DNAH11: variants seen among roughly 807,000 people sequenced by gnomAD.
DNAH11 encodes the protein dynein axonemal heavy chain 11.
In DNAH11, 442 loss-of-function variants were observed where a neutral mutation model predicts 526.0. The ratio of observed to expected loss-of-function variants is 0.84; its 90% CI spans 0.78 to 0.91. DNAH11 has a LOEUF of 0.91. Among genes scored for constraint, DNAH11 ranks in the 40% least tolerant of loss-of-function variants. The pLI is 0.00. For missense variants in DNAH11, 6,989 were observed against 5,448.7 expected, an observed-to-expected ratio of 1.28 and a Z score of -8.90; for synonymous variants, 2,461 against 1,935.9, an observed-to-expected ratio of 1.27 and a Z score of -7.12.
chr7:21,616,693 C>T (rs1206778170), intron 22 of DNAH11, among the ~76,000 whole-genome samples: 2 of 152,122 alleles, frequency 1.3e-5, no homozygotes, highest in African/African-American at 4.8e-5. Context: ...TAGGAGCATG[C>T]CACCTCTGGA....
intron 76 of DNAH11, among the ~76,000 whole-genome samples, chr7:21,889,295 G>A (rs1389089560): frequency 6.6e-6 from 1 of 152,166 alleles, no homozygotes; most frequent in Non-Finnish European, 1.5e-5. Context: ...TATCTCATCT[G>A]TCAGTGGACA....
chr7:21,659,919 T>C (rs1782174319), intron 30 of DNAH11, among the ~76,000 whole-genome samples: 1 of 152,134 alleles, frequency 6.6e-6, no homozygotes, highest in South Asian at 2.1e-4. Flanking sequence ...CTTTCAATCT[T>C]GCATAGCGAC....
At chr7:21,653,179 T>C (rs2128464348) in intron 28 of DNAH11, among the ~76,000 whole-genome samples, 1 of 152,278 alleles carries the variant, frequency 6.6e-6, no homozygotes, top group African/African-American at 2.4e-5. Flanking sequence ...CCCAGCCTAA[T>C]CTATTCTTTT....
Position 21,588,521 on chromosome 7 carries a change from G to C in DNAH11, c.1858G>C (p.Gly620Arg), listed in dbSNP as rs373977116. ...YNEHMKQIEC[G>R]HVVLNKNMPF... ...AAATATCAACTTGCAGATTGAATGT[G>C]GTCATGTAGTTCTTAACAAGAACAT... The change falls in exon 11 of 82, where the codon GGT becomes CGT. Residue 620 changes from glycine to arginine, a missense_variant. Coordinates refer to ENST00000409508, the MANE Select transcript of DNAH11 (RefSeq NM_001277115.2). 11 of 1,613,480 alleles carry C rather than the reference G, an allele frequency of 6.8e-6. No individual in the cohort carries two copies. Among genetic ancestry groups the C allele is most frequent in the Non-Finnish European group, 6.8e-6 (8 of 1,179,660 alleles).
intron 44 of DNAH11, among the ~76,000 whole-genome samples, chr7:21,724,517 C>T (rs925528154): frequency 1.3e-5 from 2 of 152,228 alleles, no homozygotes; most frequent in African/African-American, 4.8e-5. Flanking sequence ...AAGCAGTAGA[C>T]ACACACAGTA....
rs140866269 is a variant in DNAH11 at position 21,825,265 on chromosome 7, A to G, written c.10691+6926A>G. On this transcript the variant is annotated intron_variant, in intron 65 of 81. Coordinates refer to ENST00000409508, the MANE Select transcript of DNAH11 (RefSeq NM_001277115.2). ...TTTGGTTATTTTTAGATGTTTTGCT[A>G]TTATGAGTGATGCTGCTATGAATAT... 2.6e-5 allele frequency among the ~76,000 whole-genome samples: 4 copies of G among 152,280 alleles called. No homozygotes were observed. The East Asian group carries it at 5.8e-4, about 22-fold the overall frequency.
intron 74 of DNAH11, among the ~76,000 whole-genome samples, chr7:21,875,002 T>A (rs1169214517): frequency 6.6e-6 from 1 of 152,208 alleles, no homozygotes; most frequent in South Asian, 2.1e-4. Context: ...TTTGGGTCAA[T>A]ACGTAAACCA....
At chr7:21,680,292 G>A (rs1583588273) in intron 30 of DNAH11, among the ~76,000 whole-genome samples, 1 of 152,166 alleles carries the variant, frequency 6.6e-6, no homozygotes, top group South Asian at 2.1e-4. Flanking sequence ...GCTTTCTTAG[G>A]TGCTAGCAGT....
Position 21,864,508 on chromosome 7 carries a change from T to C in DNAH11, c.11374-27T>C, listed in dbSNP as rs747865168. 13 of 1,607,054 alleles carry C rather than the reference T, an allele frequency of 8.1e-6. No homozygotes were observed. In the South Asian group the frequency reaches 8.9e-5, roughly 11 times the overall value. ...GACGATTTTCATGTAAACCTAATAA[T>C]CCTTTTCAATTTTGTCTACTCTCAA... On this transcript the variant is annotated intron_variant, in intron 69 of 81. Coordinates refer to ENST00000409508, the MANE Select transcript of DNAH11 (RefSeq NM_001277115.2).
Position 21,901,804 on chromosome 7 carries a change from C to CAAGT in DNAH11, c.*551_*554dup. The CAAGT allele has an allele frequency of 6.1e-6, 1 of 164,350 alleles. No individual in the cohort carries two copies. Among genetic ancestry groups the CAAGT allele is most frequent in the Non-Finnish European group, 1.3e-5 (1 of 74,512 alleles). 10.2% of individuals were successfully genotyped at this position (164,350 alleles called of 1,614,324 possible). On this transcript the variant is annotated 3_prime_UTR_variant, in exon 82 of 82. Transcript: ENST00000409508. The stretch of plus-strand genomic sequence containing the variant: ...TGTTGATGGTCCCCTTTTGTTCAGT[C>CAAGT]AAGTTTTAATAAAAATAAAACTGTT...
At chr7:21,564,658 A>G (rs1783590722) in intron 6 of DNAH11, among the ~76,000 whole-genome samples, 1 of 152,226 alleles carries the variant, frequency 6.6e-6, no homozygotes, top group Non-Finnish European at 1.5e-5. Context: ...AAAGGCTTTA[A>G]GGCAGCTTCC....
chr7:21,599,088 T>C (rs1784972941), intron 14 of DNAH11, among the ~76,000 whole-genome samples: 1 of 152,208 alleles, frequency 6.6e-6, no homozygotes. Context: ...TATATCCCTT[T>C]TGGTGTATAT....
At chr7:21,593,126 G>C (rs562602576) in intron 14 of DNAH11, among the ~76,000 whole-genome samples, 4 of 152,278 alleles carry the variant, frequency 2.6e-5, no homozygotes, top group Admixed American at 2.6e-4. Context: ...CCCTAGGTCA[G>C]GGAGAAGAGG....
chr7:21,697,349 A>G (rs900778181), intron 35 of DNAH11, among the ~76,000 whole-genome samples: 5 of 152,092 alleles, frequency 3.3e-5, no homozygotes, highest in African/African-American at 1.2e-4. Flanking sequence ...AGTCTATCCC[A>G]GTTGGTCCTA....
chr7:21,572,715 T>G (rs1783941300), intron 8 of DNAH11, among the ~76,000 whole-genome samples: 1 of 152,208 alleles, frequency 6.6e-6, no homozygotes, highest in Non-Finnish European at 1.5e-5. Flanking sequence ...ACGAGTGCAG[T>G]ATGTTAGCTT....
chr7:21,647,431 T>C lies in DNAH11; in HGVS notation c.4944+8366T>C, dbSNP rs78766097. Reference sequence around the variant, plus strand: ...GGAGTAGCAATTTCTTTCTTTCTTTTTTTTTTTTTTTTTTTTGAGACAGAG... The same window carrying C: ...GGAGTAGCAATTTCTTTCTTTCTTTCTTTTTTTTTTTTTTTTGAGACAGAG... On this transcript the variant is annotated intron_variant, in intron 28 of 81. Coordinates refer to ENST00000409508, the MANE Select transcript of DNAH11 (RefSeq NM_001277115.2). 5.4e-3 allele frequency among the ~76,000 whole-genome samples: 702 copies of C among 131,098 alleles called. 1 individual carries two copies. The highest frequency in any genetic ancestry group is 6.9e-3 in the African/African-American group (253 of 36,630). The allele number at this position is 131,098 out of a possible 152,430, so 86.0% of individuals were successfully genotyped here.
At chr7:21,810,168 A>G (rs1317582556) in intron 63 of DNAH11, among the ~76,000 whole-genome samples, 1 of 152,232 alleles carries the variant, frequency 6.6e-6, no homozygotes, top group African/African-American at 2.4e-5. Context: ...TGAAAATTCA[A>G]ACCCATAAGC....
rs751955484 is a variant in DNAH11, at chr7:21,787,446, A to G, written c.9787A>G (p.Ile3263Val). The G allele has an allele frequency of 2.5e-6, 4 of 1,612,450 alleles. No individual in the cohort carries two copies. In the East Asian group the frequency reaches 8.9e-5, roughly 36 times the overall value. Residue 3263 changes from isoleucine to valine, a missense_variant, in exon 60 of 82, where the codon ATT becomes GTT. Ile to Val is a conservative substitution (Grantham distance 29). Coordinates refer to ENST00000409508, the MANE Select transcript of DNAH11 (RefSeq NM_001277115.2). ...ATTAATTAACTATGACAAAGAGCAC[A>G]TTCCAGAGAACTGTCTAAAAGTGGT... ...QALINYDKEH[I>V]PENCLKVVNE...
At chr7:21,644,135 G>A (rs1787246164) in intron 28 of DNAH11, among the ~76,000 whole-genome samples, 1 of 152,176 alleles carries the variant, frequency 6.6e-6, no homozygotes, top group Non-Finnish European at 1.5e-5. Context: ...GCACTCAACT[G>A]ATACCTCTAA....
Sources: gnomAD v4.1 joint callset for allele counts (sites outside exome capture counted in the v4.1 genomes callset) on GRCh38, gnomAD v4.1.1 for gene constraint, MANE v1.5 for transcripts, NCBI Gene and HGNC (gene_info 2026-07-23, HGNC 2026-07-21) for gene names.